Variants in NXPE4 observed in about 807,000 individuals in gnomAD.
NXPE4 encodes the protein neurexophilin and PC-esterase domain family member 4.
Under a neutral mutation model 33.3 loss-of-function variants are expected in NXPE4, and 42 were observed. That is an observed-to-expected ratio of 1.26 (90% CI 0.98 to 1.63). The LOEUF (loss-of-function observed/expected upper bound fraction) is 1.63, where lower values mean the gene tolerates loss of function less well. Among genes scored for constraint, NXPE4 ranks in the 40% most tolerant of loss-of-function variants. NXPE4 has a pLI of 0.00. For synonymous variants in NXPE4, 253 were observed against 234.9 expected, an observed-to-expected ratio of 1.08 and a Z score of -0.71; for missense variants, 709 against 647.6, an observed-to-expected ratio of 1.09 and a Z score of -1.03.
chr11:114,656,491 G>A, the NXPE4 span, among the ~76,000 whole-genome samples: 16 of 151,970 alleles, frequency 1.1e-4, no homozygotes, highest in Non-Finnish European at 1.9e-4. Context: ...AAAAGCTGGA[G>A]GAATCATGCT....
At chr11:114,652,702 C>A in the NXPE4 span, among the ~76,000 whole-genome samples, 14 of 152,100 alleles carry the variant, frequency 9.2e-5, no homozygotes, top group African/African-American at 2.4e-4. Flanking sequence ...TTGTAGAGAA[C>A]CTGACTTGCT....
chr11:114,573,947 A>G (rs1002165897), intron 5 of NXPE4, among the ~76,000 whole-genome samples: 2 of 152,238 alleles, frequency 1.3e-5, no homozygotes, highest in African/African-American at 2.4e-5. Context: ...TCCAAGATAG[A>G]GCATATGATA....
chr11:114,628,355 G>A, the NXPE4 span, among the ~76,000 whole-genome samples: 1 of 152,104 alleles, frequency 6.6e-6, no homozygotes, highest in Admixed American at 6.6e-5. Flanking sequence ...TAGAACTCAG[G>A]ATTAAGAATC....
chr11:114,576,851 G>A (rs1949003947), intron 5 of NXPE4, among the ~76,000 whole-genome samples: 1 of 151,358 alleles, frequency 6.6e-6, no homozygotes, highest in South Asian at 2.1e-4. Flanking sequence ...CTACCCAGAG[G>A]AAGAAAAGTC....
chr11:114,582,135 G>T (rs1034164397), intron 3 of NXPE4, among the ~76,000 whole-genome samples, 153 bp downstream of exon 3: 6 of 152,080 alleles, frequency 3.9e-5, no homozygotes, highest in Admixed American at 1.3e-4. Context: ...TAGAGAATGG[G>T]CACTGTCTCT....
At chr11:114,623,715 T>A in the NXPE4 span, among the ~76,000 whole-genome samples, 2 of 152,134 alleles carry the variant, frequency 1.3e-5, no homozygotes, top group Non-Finnish European at 2.9e-5. Flanking sequence ...ACCCGATGGA[T>A]AATAAGTATT....
At chr11:114,577,103 A>T (rs1453120894) in intron 5 of NXPE4, among the ~76,000 whole-genome samples, 1 of 142,028 alleles carries the variant, frequency 7.0e-6, no homozygotes, top group Admixed American at 7.3e-5. Context: ...ATATAAAGTT[A>T]TATATATACA....
the NXPE4 span, among the ~76,000 whole-genome samples, chr11:114,635,947 C>T: frequency 2.0e-5 from 3 of 151,940 alleles, no homozygotes; most frequent in Non-Finnish European, 4.4e-5. Flanking sequence ...GTTTCTCTGC[C>T]CGTCTTTGGT....
the NXPE4 span, among the ~76,000 whole-genome samples, chr11:114,632,230 TAA>T: frequency 7.1e-6 from 1 of 140,666 alleles, no homozygotes; most frequent in Admixed American, 7.7e-5. Flanking sequence ...TATATATGTA[TAA>T]TATATATGTA....
At chr11:114,605,483 C>T in the NXPE4 span, among the ~76,000 whole-genome samples, 1 of 151,668 alleles carries the variant, frequency 6.6e-6, no homozygotes, top group Admixed American at 6.6e-5. Flanking sequence ...ACCACAGTTA[C>T]CCGGTGGATA....
the NXPE4 span, among the ~76,000 whole-genome samples, chr11:114,633,353 T>G: frequency 1.4e-5 from 2 of 142,918 alleles, no homozygotes; most frequent in African/African-American, 5.1e-5. Flanking sequence ...TATGATTATA[T>G]TATATATACT....
chr11:114,631,137 T>A, the NXPE4 span, among the ~76,000 whole-genome samples: 1 of 151,970 alleles, frequency 6.6e-6, no homozygotes, highest in African/African-American at 2.4e-5. Flanking sequence ...GATCTAGAAC[T>A]AGAAATACCA....
the NXPE4 span, among the ~76,000 whole-genome samples, chr11:114,614,995 CG>C: frequency 6.7e-6 from 1 of 149,932 alleles, no homozygotes; most frequent in Non-Finnish European, 1.5e-5. Context: ...CACTGTTACC[CG>C]GTTTATAATA....
the NXPE4 span, among the ~76,000 whole-genome samples, chr11:114,638,837 T>A: frequency 6.6e-6 from 1 of 151,910 alleles, no homozygotes; most frequent in Non-Finnish European, 1.5e-5. Flanking sequence ...TTTGTCTCAG[T>A]GGAGTACCCA....
the NXPE4 span, among the ~76,000 whole-genome samples, chr11:114,677,695 G>T: frequency 6.6e-6 from 1 of 151,950 alleles, no homozygotes; most frequent in Non-Finnish European, 1.5e-5. Flanking sequence ...ACAAACAAAT[G>T]CTATGTGTAT....
the NXPE4 span, among the ~76,000 whole-genome samples, chr11:114,621,327 G>A: frequency 1.6e-3 from 241 of 151,712 alleles, 1 homozygote; most frequent in African/African-American, 4.2e-3. Context: ...ACTGTTACCC[G>A]CTGGATAATA....
the NXPE4 span, among the ~76,000 whole-genome samples, chr11:114,656,721 AATT>A: frequency 2.0e-5 from 3 of 152,170 alleles, no homozygotes; most frequent in East Asian, 5.8e-4. Context: ...TCATGAAATT[AATT>A]ATATGAAAAA....
chr11:114,571,623 A>G, intron 5 of NXPE4, 150 bp from the exon 6 acceptor site: 1 of 760,250 alleles, frequency 1.3e-6, no homozygotes. Flanking sequence ...TGTTTTTGAA[A>G]ATTATTTGAA....
chr11:114,631,565 CTAAGG>C, the NXPE4 span, among the ~76,000 whole-genome samples: 1 of 151,388 alleles, frequency 6.6e-6, no homozygotes, highest in Non-Finnish European at 1.5e-5. Flanking sequence ...GGAGATATAC[CTAAGG>C]TTAGATGACG....
Sources: gnomAD v4.1 joint callset for allele counts (sites outside exome capture counted in the v4.1 genomes callset) on GRCh38, gnomAD v4.1.1 for gene constraint, MANE v1.5 for transcripts, NCBI Gene and HGNC (gene_info 2026-07-23, HGNC 2026-07-21) for gene names.